GRM8: variants seen among roughly 807,000 people sequenced by gnomAD.
The protein encoded by GRM8 is metabotropic glutamate receptor 8.
In GRM8, 47 loss-of-function variants were observed where a neutral mutation model predicts 87.2. The ratio of observed to expected loss-of-function variants is 0.54; its 90% CI spans 0.43 to 0.69. The LOEUF (loss-of-function observed/expected upper bound fraction) is 0.69. Among genes scored for constraint, GRM8 ranks in the 30% least tolerant of loss-of-function variants. The pLI is 0.00. For synonymous variants in GRM8, 396 were observed against 404.5 expected, an observed-to-expected ratio of 0.98 and a Z score of 0.25; for missense variants, 1,019 against 1,139.2, an observed-to-expected ratio of 0.89 and a Z score of 1.52.
intron 9 of GRM8, among the ~76,000 whole-genome samples, chr7:126,508,505 G>A (rs73224933): frequency 6.6e-6 from 1 of 152,064 alleles, no homozygotes; most frequent in Non-Finnish European, 1.5e-5. Flanking sequence ...TGTTACTTTG[G>A]CAATTAAATC....
chr7:126,586,267 T>C (rs1280412572), intron 8 of GRM8, among the ~76,000 whole-genome samples: 1 of 152,184 alleles, frequency 6.6e-6, no homozygotes, highest in Non-Finnish European at 1.5e-5. Context: ...CAAGGTAATT[T>C]ATAGATTTAA....
At chr7:126,965,248 G>A (rs545008481) in intron 3 of GRM8, among the ~76,000 whole-genome samples, 16 of 151,830 alleles carry the variant, frequency 1.1e-4, no homozygotes, top group Non-Finnish European at 1.8e-4. Flanking sequence ...ACCATGACAC[G>A]AATATACTTA....
intron 3 of GRM8, among the ~76,000 whole-genome samples, chr7:126,937,917 G>T (rs1806506641): frequency 6.6e-6 from 1 of 152,242 alleles, no homozygotes; most frequent in Non-Finnish European, 1.5e-5. Flanking sequence ...CTCTACGTGG[G>T]ATGAAGGGTA....
intron 3 of GRM8, among the ~76,000 whole-genome samples, chr7:127,031,506 T>C (rs1817362436): frequency 6.6e-6 from 1 of 152,070 alleles, no homozygotes; most frequent in African/African-American, 2.4e-5. Flanking sequence ...CCTAAATCCA[T>C]CTAATGGTGC....
chr7:126,735,774 C>G (rs1814143067), intron 7 of GRM8, among the ~76,000 whole-genome samples: 1 of 152,024 alleles, frequency 6.6e-6, no homozygotes, highest in South Asian at 2.1e-4. Flanking sequence ...AAGCTCTAAT[C>G]ACAAGAACAA....
intron 6 of GRM8, among the ~76,000 whole-genome samples, chr7:126,902,324 T>C (rs192660279): frequency 9.3e-4 from 141 of 152,338 alleles, no homozygotes; most frequent in Non-Finnish European, 1.2e-4. Context: ...GCATGGTATA[T>C]GTTCAATAAA....
In GRM8 at chr7:127,149,242, T is replaced by C. The variant is rs190056998; in HGVS notation, c.511-42530A>G. ...ATATTAATAGTAGAAAACAAATAAC[T>C]CAATTTTAAAAAGACCTCAATAGAC... On this transcript the variant is annotated intron_variant, in intron 2 of 10. Coordinates refer to ENST00000339582, the MANE Select transcript of GRM8 (RefSeq NM_000845.3). 1.5e-4 allele frequency among the ~76,000 whole-genome samples: 22 copies of C among 151,714 alleles called. No individual in the cohort carries two copies. In the East Asian group the frequency reaches 4.1e-3, roughly 28 times the overall value.
intron 6 of GRM8, among the ~76,000 whole-genome samples, chr7:126,862,852 A>G (rs1798250004): frequency 6.6e-6 from 1 of 151,934 alleles, no homozygotes; most frequent in Admixed American, 6.6e-5. Flanking sequence ...TGTGCTTTTT[A>G]AATTGATCGA....
intron 3 of GRM8, among the ~76,000 whole-genome samples, chr7:127,002,003 G>C (rs1439757635): frequency 6.6e-6 from 1 of 151,666 alleles, no homozygotes; most frequent in Non-Finnish European, 1.5e-5. Context: ...TGTAATGACA[G>C]AGCACACATC....
At chr7:126,630,566 C>A (rs907829423) in intron 7 of GRM8, among the ~76,000 whole-genome samples, 11 of 152,064 alleles carry the variant, frequency 7.2e-5, no homozygotes, top group African/African-American at 2.4e-4. Context: ...CAAAACCTAG[C>A]AGAGATACAA....
At chr7:127,226,824 C>T (rs530897912) in intron 2 of GRM8, among the ~76,000 whole-genome samples, 1 of 152,332 alleles carries the variant, frequency 6.6e-6, no homozygotes, top group Admixed American at 6.5e-5. Context: ...AATATGCTCA[C>T]ATCATTTCAT....
chr7:126,984,889 GA>G (rs1426535939), intron 3 of GRM8, among the ~76,000 whole-genome samples: 1 of 152,100 alleles, frequency 6.6e-6, no homozygotes, highest in Non-Finnish European at 1.5e-5. Context: ...GTTTGGTTCT[GA>G]AAATGATTTT....
intron 2 of GRM8, among the ~76,000 whole-genome samples, chr7:127,216,779 C>T (rs532982465): frequency 4.7e-4 from 71 of 152,264 alleles, no homozygotes; most frequent in Middle Eastern, 3.4e-3. Context: ...TTCAAAGGTG[C>T]CTAGTTCATT....
chr7:127,240,393 T>C (rs776913504), intron 2 of GRM8, among the ~76,000 whole-genome samples: 3 of 148,604 alleles, frequency 2.0e-5, no homozygotes, highest in Non-Finnish European at 4.4e-5. Flanking sequence ...AATCTTATTA[T>C]TCCCATTTTG....
At chr7:126,537,254 T>C (rs1200522638) in intron 8 of GRM8, among the ~76,000 whole-genome samples, 1 of 152,204 alleles carries the variant, frequency 6.6e-6, no homozygotes, top group Non-Finnish European at 1.5e-5. Flanking sequence ...ACAGATTATG[T>C]TTTAATAAAT....
At chr7:126,748,885 G>GATCACAGACTTAAATATAA (rs1816039944) in intron 7 of GRM8, among the ~76,000 whole-genome samples, 1 of 151,890 alleles carries the variant, frequency 6.6e-6, no homozygotes, top group Non-Finnish European at 1.5e-5. Flanking sequence ...TAATACAATG[G>GATCACAGACTTAAATATAA]GAGACAGTCT....
chr7:127,237,208 A>G (rs1279986365), intron 2 of GRM8, among the ~76,000 whole-genome samples: 2 of 152,192 alleles, frequency 1.3e-5, no homozygotes, highest in East Asian at 3.9e-4. Context: ...GCTCTTTTCA[A>G]AGTTAAATGA....
chr7:126,892,444 T>C (rs578239956), intron 6 of GRM8, among the ~76,000 whole-genome samples: 2 of 152,248 alleles, frequency 1.3e-5, no homozygotes, highest in African/African-American at 4.8e-5. Context: ...ATTTCATCCA[T>C]GTCCCTACAA....
intron 2 of GRM8, among the ~76,000 whole-genome samples, chr7:127,107,651 CAA>C (rs770935284): frequency 1.2e-4 from 18 of 152,278 alleles, no homozygotes; most frequent in African/African-American, 3.1e-4. Context: ...TGTCAGTGCT[CAA>C]AGAGGATGTC....
Sources: gnomAD v4.1 joint callset for allele counts (sites outside exome capture counted in the v4.1 genomes callset) on GRCh38, gnomAD v4.1.1 for gene constraint, MANE v1.5 for transcripts, NCBI Gene and HGNC (gene_info 2026-07-23, HGNC 2026-07-21) for gene names.